HMGCS1: variants seen among roughly 807,000 people sequenced by gnomAD.
HMGCS1 encodes hydroxymethylglutaryl-CoA synthase, cytoplasmic.
In HMGCS1, 9 loss-of-function variants were observed where a neutral mutation model predicts 52.3. The observed-to-expected ratio is 0.17, with a 90% CI of 0.10 to 0.30. HMGCS1 has a LOEUF of 0.30. HMGCS1 is among the 10% of genes least tolerant of loss of function. The pLI is 1.00. For synonymous variants in HMGCS1, 176 were observed against 214.4 expected (o/e 0.82, Z 1.57); for missense variants, 320 against 620.9 (o/e 0.52, Z 5.15).
intron 1 of HMGCS1, among the ~76,000 whole-genome samples, chr5:43,312,321 G>A (rs747898349): frequency 1.2e-4 from 19 of 152,350 alleles, no homozygotes; most frequent in Non-Finnish European, 2.1e-4. Context: ...CAGGTGGCAA[G>A]AGCATCCTCG....
At chr5:43,299,816 C>A (rs1754223783) in intron 2 of HMGCS1, among the ~76,000 whole-genome samples, 1 of 152,164 alleles carries the variant, frequency 6.6e-6, no homozygotes, top group Non-Finnish European at 1.5e-5. Flanking sequence ...CATTGTTGGG[C>A]ATTTAACTTA....
chr5:43,292,447 T>C, intron 10 of HMGCS1, 27 bp downstream of exon 10: 1 of 1,603,086 alleles, frequency 6.2e-7, no homozygotes, highest in Admixed American at 1.7e-5. Flanking sequence ...AACCCTAAGA[T>C]ATGGAGATGG....
intron 2 of HMGCS1, among the ~76,000 whole-genome samples, chr5:43,301,113 A>T (rs1311961129): frequency 6.6e-6 from 1 of 152,224 alleles, no homozygotes; most frequent in East Asian, 1.9e-4. Flanking sequence ...TAGGGGCCTG[A>T]CTTGAGCCCC....
chr5:43,307,067 ATTTT>A (rs59297862), intron 2 of HMGCS1, among the ~76,000 whole-genome samples: 2 of 123,664 alleles, frequency 1.6e-5, no homozygotes, highest in African/African-American at 6.0e-5. Context: ...TTCTCACATA[ATTTT>A]TTTTTTTTTT....
intron 1 of HMGCS1, among the ~76,000 whole-genome samples, chr5:43,310,226 G>C (rs1754792910): frequency 2.0e-5 from 3 of 152,186 alleles, no homozygotes; most frequent in Admixed American, 2.0e-4. Flanking sequence ...TCCTCCCAGA[G>C]TTACTGGTCT....
At chr5:43,295,136 G>C (rs1438960301) in intron 6 of HMGCS1, among the ~76,000 whole-genome samples, 1 of 151,982 alleles carries the variant, frequency 6.6e-6, no homozygotes. Flanking sequence ...ACTTATATTG[G>C]CTTCAATGAA....
chr5:43,299,476 C>T (rs564246007), intron 2 of HMGCS1, among the ~76,000 whole-genome samples: 5 of 151,496 alleles, frequency 3.3e-5, no homozygotes, highest in African/African-American at 4.8e-5. Context: ...GGTGAAACCC[C>T]GTCTCTACTA....
chr5:43,312,557 T>C (rs1051608324), intron 1 of HMGCS1, among the ~76,000 whole-genome samples: 1 of 152,208 alleles, frequency 6.6e-6, no homozygotes, highest in African/African-American at 2.4e-5. Flanking sequence ...CTTAGCTTAA[T>C]CCAAAACCTA....
chr5:43,300,449 G>A (rs1202437686), intron 2 of HMGCS1, among the ~76,000 whole-genome samples: 1 of 152,122 alleles, frequency 6.6e-6, no homozygotes. Context: ...AAAAATGAAA[G>A]TCAAATCCTG....
chr5:43,301,589 A>G (rs145992866), intron 2 of HMGCS1, among the ~76,000 whole-genome samples: 331 of 152,360 alleles, frequency 2.2e-3, no homozygotes, highest in African/African-American at 7.4e-3. Flanking sequence ...AGTATACATA[A>G]GTTGCAATAC....
intron 2 of HMGCS1, among the ~76,000 whole-genome samples, chr5:43,306,506 C>T (rs1754583506): frequency 6.6e-6 from 1 of 152,140 alleles, no homozygotes; most frequent in Non-Finnish European, 1.5e-5. Flanking sequence ...GTTGAGCATT[C>T]CTAATACAAA....
intron 4 of HMGCS1, 69 bp downstream of exon 4, chr5:43,297,940 C>T (rs1479997907): frequency 6.9e-7 from 1 of 1,444,190 alleles, no homozygotes; most frequent in Non-Finnish European, 9.5e-7. Context: ...GCGACAGCTC[C>T]TACTTCTATT....
intron 2 of HMGCS1, among the ~76,000 whole-genome samples, chr5:43,302,575 A>G (rs963999022): frequency 3.3e-5 from 5 of 152,242 alleles, no homozygotes; most frequent in Admixed American, 6.5e-5. Context: ...ACAGAAGCCA[A>G]TTATGATGTT....
At chr5:43,311,909 C>T (rs918939606) in intron 1 of HMGCS1, among the ~76,000 whole-genome samples, 1 of 152,124 alleles carries the variant, frequency 6.6e-6, no homozygotes, top group African/African-American at 2.4e-5. Context: ...AAAGTAGAAC[C>T]GAATAAAGGG....
intron 1 of HMGCS1, among the ~76,000 whole-genome samples, chr5:43,311,316 T>A (rs1754854425): frequency 8.9e-6 from 1 of 112,324 alleles, no homozygotes; most frequent in African/African-American, 3.4e-5. Flanking sequence ...CGAGATTCTG[T>A]CTCCCCAAAA....
chr5:43,308,184 G>T (rs1754672129), intron 1 of HMGCS1, among the ~76,000 whole-genome samples: 1 of 152,244 alleles, frequency 6.6e-6, no homozygotes, highest in African/African-American at 2.4e-5. Flanking sequence ...TAAACAAGTT[G>T]TAATGAGTTA....
chr5:43,295,295 A>G (rs1307554008), intron 6 of HMGCS1, among the ~76,000 whole-genome samples: 1 of 152,214 alleles, frequency 6.6e-6, no homozygotes, highest in Non-Finnish European at 1.5e-5. Flanking sequence ...GAAAGGACAC[A>G]CAAGAGACAC....
intron 2 of HMGCS1, among the ~76,000 whole-genome samples, chr5:43,305,928 T>G (rs758376075): frequency 2.4e-4 from 37 of 152,216 alleles, no homozygotes; most frequent in Non-Finnish European, 4.1e-4. Flanking sequence ...ATTTTCAGAG[T>G]ACTATATTCA....
At chr5:43,309,790 G>C (rs140662426) in intron 1 of HMGCS1, among the ~76,000 whole-genome samples, 1 of 152,214 alleles carries the variant, frequency 6.6e-6, no homozygotes, top group Non-Finnish European at 1.5e-5. Flanking sequence ...CAAGTAGCCA[G>C]GCAGGTTACC....
Sources: allele counts gnomAD v4.1 joint callset (sites outside exome capture counted in the v4.1 genomes callset), GRCh38; gene constraint gnomAD v4.1.1; transcripts MANE v1.5; gene names NCBI Gene and HGNC (gene_info 2026-07-23, HGNC 2026-07-21).